The following PRKACB variants were observed in gnomAD, a reference collection of about 807,000 sequenced individuals.
The protein encoded by PRKACB is cAMP-dependent protein kinase catalytic subunit beta.
PRKACB carries 16 observed loss-of-function variants against 51.4 expected under a neutral mutation model. The ratio of observed to expected loss-of-function variants is 0.31; its 90% CI spans 0.21 to 0.47. The LOEUF is 0.47. Ranked by LOEUF, PRKACB falls within the 20% of genes least tolerant of loss-of-function variation. The pLI is 1.00. For synonymous variants in PRKACB, 147 were observed against 154.4 expected, an observed-to-expected ratio of 0.95 and a Z score of 0.35; for missense variants, 309 against 464.5, an observed-to-expected ratio of 0.67 and a Z score of 3.08.
At chr1:84,119,508 C>T (rs746339925) in intron 1 of PRKACB, among the ~76,000 whole-genome samples, 7 of 152,050 alleles carry the variant, frequency 4.6e-5, no homozygotes, top group Non-Finnish European at 8.8e-5. Flanking sequence ...TAACTTAATG[C>T]TACTGTCCTT....
intron 2 of PRKACB, chr1:84,181,811 C>A: frequency 1.0e-6 from 1 of 964,642 alleles, no homozygotes; most frequent in Non-Finnish European, 1.4e-6. Context: ...TGTATGGCTT[C>A]TATGACTCTT....
chr1:84,125,851 A>G (rs1651538107), intron 1 of PRKACB, among the ~76,000 whole-genome samples: 1 of 152,200 alleles, frequency 6.6e-6, no homozygotes, highest in Admixed American at 6.5e-5. Flanking sequence ...AATATGTCCA[A>G]TAGAATTTTT....
chr1:84,208,365 T>G lies in PRKACB; in HGVS notation c.906+5560T>G, dbSNP rs1210384235. On this transcript the variant is annotated intron_variant, in intron 8 of 9. Transcript: ENST00000370685. Reference sequence around the variant, plus strand: ...ATTCAGAGTGAATTTTATAGTTCGTTTAACATATTACATAATGTAATTTGA... The same window carrying G: ...ATTCAGAGTGAATTTTATAGTTCGTGTAACATATTACATAATGTAATTTGA... 3.0e-4 allele frequency among the ~76,000 whole-genome samples: 46 copies of G among 152,222 alleles called. 2 individuals are homozygous for G. Among genetic ancestry groups the G allele is most frequent in the Admixed American group, 3.0e-3 (46 of 15,276 alleles).
chr1:84,167,565 A>G (rs1372457616), intron 1 of PRKACB, among the ~76,000 whole-genome samples: 6 of 151,616 alleles, frequency 4.0e-5, no homozygotes, highest in African/African-American at 1.5e-4. Context: ...GAAATTATAA[A>G]TTTGTATGTC....
At chr1:84,138,672 C>T (rs375646694) in intron 1 of PRKACB, among the ~76,000 whole-genome samples, 160 of 152,296 alleles carry the variant, frequency 1.1e-3, no homozygotes, top group African/African-American at 3.7e-3. Context: ...TACTTCTCAA[C>T]TTATTTTGTG....
At position 84,179,229 on chromosome 1, in the gene PRKACB, T is replaced by A; in HGVS notation, c.240T>A (p.Asn80Lys). ...AKEDFLKKWENPTQNNAGLED... is the reference protein window; with the variant it reads ...AKEDFLKKWEKPTQNNAGLED... ...AAGACTTTTTGAAAAAATGGGAGAATCCAACTCAGGTAAGGAATATTTAGA... is the reference window on the plus strand; with the variant it reads ...AAGACTTTTTGAAAAAATGGGAGAAACCAACTCAGGTAAGGAATATTTAGA... The change falls in exon 2 of 10, where the codon AAT becomes AAA. Residue 80 changes from asparagine (N) to lysine (K), a missense_variant. Asn to Lys is a moderately conservative substitution (Grantham distance 94, BLOSUM62 0). Around this residue, in one of 3 missense-constraint regions of PRKACB, gnomAD observed 153 missense variants for 190.2 expected, o/e 0.80. Transcript: ENST00000370685. The A allele has an allele frequency of 6.3e-7, 1 of 1,581,060 alleles. No homozygotes were observed. Among genetic ancestry groups the A allele is most frequent in the Non-Finnish European group, 8.6e-7 (1 of 1,163,232 alleles).
chr1:84,127,343 A>G (rs1159164524), intron 1 of PRKACB, among the ~76,000 whole-genome samples: 2 of 152,174 alleles, frequency 1.3e-5, no homozygotes, highest in Non-Finnish European at 2.9e-5. Context: ...CTGCTCCTTA[A>G]AATTACCTAT....
At chr1:84,219,990 T>C (rs72710887) in intron 9 of PRKACB, among the ~76,000 whole-genome samples, 29,820 of 151,936 alleles carry the variant, frequency 0.2, 3,165 homozygotes, top group Middle Eastern at 0.29. Flanking sequence ...GTGAAGACTA[T>C]CATTGGTATT....
chr1:84,208,826 T>C (rs1176776347), intron 8 of PRKACB, among the ~76,000 whole-genome samples: 1 of 152,216 alleles, frequency 6.6e-6, no homozygotes, highest in Non-Finnish European at 1.5e-5. Context: ...TCTCATTGTT[T>C]TATAAATGAG....
At chr1:84,120,786 G>T (rs1651000688) in intron 1 of PRKACB, among the ~76,000 whole-genome samples, 1 of 151,922 alleles carries the variant, frequency 6.6e-6, no homozygotes, top group South Asian at 2.1e-4. Context: ...TGATATAATG[G>T]TGATTTTTAT....
chr1:84,230,029 A>T (rs374241652), intron 9 of PRKACB, among the ~76,000 whole-genome samples: 6 of 151,502 alleles, frequency 4.0e-5, no homozygotes, highest in East Asian at 1.9e-4. Flanking sequence ...CTGAATGGTA[A>T]TGCCTAGGTT....
chr1:84,082,344 A>G (rs1437019005), intron 1 of PRKACB, among the ~76,000 whole-genome samples: 1 of 152,180 alleles, frequency 6.6e-6, no homozygotes, highest in African/African-American at 2.4e-5. Flanking sequence ...TTTATTTGGT[A>G]TATTAAAATC....
intron 1 of PRKACB, among the ~76,000 whole-genome samples, chr1:84,119,673 A>G (rs1650908247): frequency 6.6e-6 from 1 of 152,120 alleles, no homozygotes; most frequent in African/African-American, 2.4e-5. Flanking sequence ...AAAGTTAATG[A>G]CCACGCCTTA....
At chr1:84,097,616 T>G (rs1191882911) in intron 1 of PRKACB, among the ~76,000 whole-genome samples, 1 of 152,028 alleles carries the variant, frequency 6.6e-6, no homozygotes, top group South Asian at 2.1e-4. Flanking sequence ...AGTCATATAA[T>G]CAAGTTGGGG....
intron 8 of PRKACB, among the ~76,000 whole-genome samples, chr1:84,211,686 C>T (rs1026592854): frequency 2.0e-4 from 31 of 152,040 alleles, no homozygotes; most frequent in African/African-American, 7.2e-4. Context: ...GGAATTACAC[C>T]TTTACTATTT....
chr1:84,093,092 G>A (rs988294209), intron 1 of PRKACB, among the ~76,000 whole-genome samples: 6 of 151,824 alleles, frequency 4.0e-5, no homozygotes, highest in Non-Finnish European at 5.9e-5. Flanking sequence ...ATTTTCAAAC[G>A]TACAAATAAT....
At chr1:84,108,724 C>T (rs1396414132) in intron 1 of PRKACB, among the ~76,000 whole-genome samples, 1 of 151,930 alleles carries the variant, frequency 6.6e-6, no homozygotes, top group Non-Finnish European at 1.5e-5. Context: ...TTCAGATAGT[C>T]TTGATTTAAG....
intron 9 of PRKACB, among the ~76,000 whole-genome samples, chr1:84,234,268 C>T (rs1410676413): frequency 2.6e-5 from 4 of 152,216 alleles, no homozygotes; most frequent in Non-Finnish European, 5.9e-5. Flanking sequence ...GCAGTCTGCC[C>T]GTTCTCAGAT....
chr1:84,109,936 C>G (rs1312145556), intron 1 of PRKACB, among the ~76,000 whole-genome samples: 1 of 151,774 alleles, frequency 6.6e-6, no homozygotes, highest in African/African-American at 2.4e-5. Context: ...AAAAAATTAA[C>G]TTTTTATATA....
Sources: gnomAD v4.1 joint callset for allele counts (sites outside exome capture counted in the v4.1 genomes callset) on GRCh38, gnomAD v4.1.1 for gene constraint, gnomAD v4.1.1 regional missense constraint, MANE v1.5 for transcripts, NCBI Gene and HGNC (gene_info 2026-07-23, HGNC 2026-07-21) for gene names.